The following PPFIBP1 variants were observed in gnomAD, a reference collection of about 807,000 sequenced individuals.
PPFIBP1 encodes liprin-beta-1.
In PPFIBP1, 112 loss-of-function variants were observed where a neutral mutation model predicts 137.8. The observed-to-expected ratio is 0.81, with a 90% CI of 0.70 to 0.95. PPFIBP1 has a LOEUF of 0.95. Among genes scored for constraint, PPFIBP1 ranks in the 40% least tolerant of loss-of-function variants. PPFIBP1 has a pLI of 0.00. For missense variants in PPFIBP1, 1,083 were observed against 1,196.6 expected, an observed-to-expected ratio of 0.91 and a Z score of 1.40; for synonymous variants, 378 against 417.3, an observed-to-expected ratio of 0.91 and a Z score of 1.15.
chr12:27,611,034 T>C (rs2055053781), intron 2 of PPFIBP1, among the ~76,000 whole-genome samples: 1 of 152,210 alleles, frequency 6.6e-6, no homozygotes. Flanking sequence ...TTGCCAGATC[T>C]CTCAGCAGGA....
intron 2 of PPFIBP1, among the ~76,000 whole-genome samples, chr12:27,611,635 T>C (rs539650173): frequency 2.0e-5 from 3 of 152,350 alleles, no homozygotes; most frequent in African/African-American, 7.2e-5. Context: ...GTATTTATTT[T>C]GTGTTTTGTT....
At chr12:27,534,314 G>C (rs177695) in intron 1 of PPFIBP1, among the ~76,000 whole-genome samples, 2,436 of 152,232 alleles carry the variant, frequency 0.016, 67 homozygotes, top group African/African-American at 0.055. Context: ...GATCAGAAGG[G>C]ATACGAATTG....
intron 2 of PPFIBP1, among the ~76,000 whole-genome samples, chr12:27,592,110 T>A (rs925348559): frequency 6.6e-6 from 1 of 152,212 alleles, no homozygotes; most frequent in African/African-American, 2.4e-5. Context: ...CCCTTGGAAG[T>A]GCATCTTCCC....
At chr12:27,572,734 C>G (rs1367156571) in intron 1 of PPFIBP1, among the ~76,000 whole-genome samples, 2 of 152,144 alleles carry the variant, frequency 1.3e-5, no homozygotes, top group African/African-American at 2.4e-5. Flanking sequence ...CAACACAGTG[C>G]TTAGTACTGT....
chr12:27,572,747 G>A (rs576674962), intron 1 of PPFIBP1, among the ~76,000 whole-genome samples: 2 of 152,248 alleles, frequency 1.3e-5, no homozygotes, highest in East Asian at 1.9e-4. Context: ...AGTACTGTGG[G>A]AACACAGAAA....
At chr12:27,573,915 G>T (rs891442180) in intron 1 of PPFIBP1, among the ~76,000 whole-genome samples, 1 of 151,666 alleles carries the variant, frequency 6.6e-6, no homozygotes, top group Non-Finnish European at 1.5e-5. Flanking sequence ...CCAGGCTTTC[G>T]AGGCTGTAGT....
intron 2 of PPFIBP1, among the ~76,000 whole-genome samples, chr12:27,580,067 A>G (rs1323622279): frequency 1.3e-5 from 2 of 152,156 alleles, no homozygotes; most frequent in African/African-American, 2.4e-5. Context: ...TATCTTACCA[A>G]TCAGATCAAG....
At chr12:27,612,253 G>A (rs2055197614) in intron 2 of PPFIBP1, among the ~76,000 whole-genome samples, 1 of 150,150 alleles carries the variant, frequency 6.7e-6, no homozygotes, top group Admixed American at 6.6e-5. Flanking sequence ...GGAGGTCAAG[G>A]TATCTGCCAA....
chr12:27,606,856 A>G lies in PPFIBP1; in HGVS notation c.-35-26506A>G, dbSNP rs372245680. Among the ~76,000 whole-genome samples, 7 of 152,164 alleles carry G rather than the reference A, an allele frequency of 4.6e-5. No homozygotes were observed. The East Asian group carries it at 5.8e-4, about 13-fold the overall frequency. On this transcript the variant is annotated intron_variant, in intron 2 of 29. Coordinates refer to ENST00000228425, the MANE Select transcript of PPFIBP1 (RefSeq NM_003622.4). Reference sequence around the variant, plus strand: ...ATCAGGTTATTTCACCTTAGCTTAGAGTTTAGTTCGGTGCTCTGTTAGTTC... The same window carrying G: ...ATCAGGTTATTTCACCTTAGCTTAGGGTTTAGTTCGGTGCTCTGTTAGTTC...
chr12:27,570,882 T>C (rs2050086701), intron 1 of PPFIBP1, among the ~76,000 whole-genome samples: 1 of 151,884 alleles, frequency 6.6e-6, no homozygotes, highest in South Asian at 2.1e-4. Context: ...CACTGCACTC[T>C]AGCCTGGGCG....
intron 3 of PPFIBP1, 118 bp from the exon 4 acceptor site, chr12:27,634,791 CT>C: frequency 4.6e-6 from 4 of 867,400 alleles, no homozygotes; most frequent in Non-Finnish European, 7.3e-6. Context: ...ATTGAATTCT[CT>C]TTTTTCTGTT....
intron 2 of PPFIBP1, among the ~76,000 whole-genome samples, chr12:27,598,706 A>T (rs1363863135): frequency 6.6e-6 from 1 of 152,186 alleles, no homozygotes; most frequent in Non-Finnish European, 1.5e-5. Context: ...GACACGCATC[A>T]TCCTTAGGAT....
chr12:27,680,052 A>G lies in PPFIBP1; in HGVS notation c.1886A>G (p.Gln629Arg). The G allele has an allele frequency of 1.2e-6, 2 of 1,614,066 alleles. No individual in the cohort carries two copies. Among genetic ancestry groups the G allele is most frequent in the South Asian group, 2.2e-5 (2 of 91,072 alleles). ...TTAGGTTGGTCTCGAGACTTGGGAC[A>G]GTCTAACAGGTAAGAAGAGCCAACT... ...PRLGWSRDLG[Q>R]SNSDLDMPFA... The change falls in exon 21 of 30, where the codon CAG becomes CGG. Residue 629 changes from glutamine to arginine, a missense_variant. Gln to Arg is a conservative substitution (Grantham distance 43). Coordinates refer to ENST00000228425, the MANE Select transcript of PPFIBP1 (RefSeq NM_003622.4).
chr12:27,598,538 C>CTGTGTGTGTGTGTG (rs71039825), intron 2 of PPFIBP1, among the ~76,000 whole-genome samples: 2 of 150,724 alleles, frequency 1.3e-5, no homozygotes, highest in African/African-American at 4.9e-5. Flanking sequence ...TCTCTATAAT[C>CTGTGTGTGTGTGTG]TGTGTGTGTG....
chr12:27,647,729 G>C lies in PPFIBP1; in HGVS notation c.358G>C (p.Val120Leu), dbSNP rs148602928. Residue 120 changes from valine to leucine, a missense_variant and splice_region_variant, in exon 6 of 30, where the codon GTA becomes CTA. Physicochemically the swap from Val to Leu is conservative, Grantham distance 32. Transcript: ENST00000228425. ...ENDKESLVLQ[V>L]SVLTDQVEAQ... ...TTGCATTATTTTGCTCTAAATACAG[G>C]TAAGTGTGTTAACAGACCAGGTGGA... The C allele has an allele frequency of 8.1e-4, 1,291 of 1,588,724 alleles. 6 individuals are homozygous for C. The highest frequency in any genetic ancestry group is 5.6e-4 in the Non-Finnish European group (659 of 1,167,878).
At chr12:27,628,866 A>G (rs2057054917) in intron 2 of PPFIBP1, among the ~76,000 whole-genome samples, 1 of 152,254 alleles carries the variant, frequency 6.6e-6, no homozygotes, top group South Asian at 2.1e-4. Flanking sequence ...GCATTATCAA[A>G]CAAGTTACCA....
chr12:27,556,955 C>CA (rs11311175), intron 1 of PPFIBP1, among the ~76,000 whole-genome samples: 12 of 149,250 alleles, frequency 8.0e-5, no homozygotes, highest in African/African-American at 7.4e-5. Flanking sequence ...CCCCACCCCT[C>CA]AAAAAAAAAA....
intron 1 of PPFIBP1, among the ~76,000 whole-genome samples, chr12:27,571,041 G>T (rs1433615879): frequency 6.6e-6 from 1 of 152,194 alleles, no homozygotes; most frequent in East Asian, 1.9e-4. Flanking sequence ...CTGTGATGAA[G>T]GGGAAGAAGA....
At chr12:27,633,562 T>G in intron 3 of PPFIBP1, 102 bp downstream of exon 3, 1 of 1,010,938 alleles carries the variant, frequency 9.9e-7, no homozygotes, top group South Asian at 1.6e-5. Context: ...TTTTCATTTT[T>G]TAGACCTATG....
Sources: allele counts gnomAD v4.1 joint callset (sites outside exome capture counted in the v4.1 genomes callset), GRCh38; gene constraint gnomAD v4.1.1; transcripts MANE v1.5; gene names NCBI Gene and HGNC (gene_info 2026-07-23, HGNC 2026-07-21).